Variants in FAM193A observed in about 807,000 individuals in gnomAD.
The protein encoded by FAM193A is protein FAM193A.
A neutral mutation model predicts 126.5 loss-of-function variants in FAM193A; 22 were observed. That is an observed-to-expected ratio of 0.17 (90% CI 0.12 to 0.25). FAM193A has a LOEUF of 0.25. Ranked by LOEUF, FAM193A falls within the 10% of genes least tolerant of loss-of-function variation. The pLI is 1.00. For missense variants in FAM193A, 1,675 were observed against 1,672.8 expected (o/e 1.00, Z -0.02); for synonymous variants, 761 against 646.8 (o/e 1.18, Z -2.68).
intron 7 of FAM193A, among the ~76,000 whole-genome samples, chr4:2,649,400 T>C (rs1745453180): frequency 6.9e-6 from 1 of 145,406 alleles, no homozygotes; most frequent in African/African-American, 2.6e-5. Context: ...AAGCCAGGCT[T>C]AGTGGCTCAC....
chr4:2,662,648 G>T (rs1712597362), intron 10 of FAM193A, among the ~76,000 whole-genome samples, 190 bp from the exon 11 acceptor site: 2 of 152,126 alleles, frequency 1.3e-5, no homozygotes, highest in South Asian at 4.1e-4. Context: ...TGGCACAAAT[G>T]TTAATCTTCC....
chr4:2,592,336 C>G (rs1577049775), intron 1 of FAM193A, among the ~76,000 whole-genome samples: 1 of 152,294 alleles, frequency 6.6e-6, no homozygotes, highest in Admixed American at 6.5e-5. Context: ...GATCTGCCTG[C>G]CTCGGCCTCA....
At chr4:2,569,021 G>A (rs557854519) in intron 1 of FAM193A, among the ~76,000 whole-genome samples, 6 of 142,446 alleles carry the variant, frequency 4.2e-5, no homozygotes, top group African/African-American at 2.6e-5. Context: ...CCAGGCTGGA[G>A]TGTAATGGTA....
In FAM193A at chr4:2,664,636, G is replaced by A. The variant is rs568686480; in HGVS notation, c.2079+1348G>A. ...GGCTGGAGTGCAGTGGCGCGATCTC[G>A]CCTCACTGCAACCTCTCCCTTTCGG... On this transcript the variant is annotated intron_variant, in intron 12 of 20. Transcript: ENST00000637812. Among the ~76,000 whole-genome samples the A allele has an allele frequency of 6.3e-5, 8 of 126,638 alleles. No homozygotes were observed. The East Asian group carries it at 7.4e-4, about 12-fold the overall frequency. 83.1% of individuals were successfully genotyped at this position (126,638 alleles called of 152,430 possible).
At chr4:2,583,680 A>C (rs747204988) in intron 1 of FAM193A, among the ~76,000 whole-genome samples, 3 of 152,140 alleles carry the variant, frequency 2.0e-5, no homozygotes, top group Non-Finnish European at 4.4e-5. Flanking sequence ...GCCTGTACTC[A>C]GCCTTTCGCA....
intron 7 of FAM193A, among the ~76,000 whole-genome samples, 182 bp downstream of exon 7, chr4:2,647,014 G>T (rs186984151): frequency 5.3e-5 from 8 of 152,254 alleles, no homozygotes; most frequent in Non-Finnish European, 8.8e-5. Context: ...TGGGAAACCT[G>T]TTGGCATCAC....
At chr4:2,716,410 G>C (rs1321506534) in intron 20 of FAM193A, among the ~76,000 whole-genome samples, 1 of 151,132 alleles carries the variant, frequency 6.6e-6, no homozygotes, top group Non-Finnish European at 1.5e-5. Flanking sequence ...TGGCTCTCCA[G>C]GTGTCCTGGG....
At chr4:2,555,606 CTGTTTTTTGTTTGTT>C (rs1738199234) in intron 1 of FAM193A, among the ~76,000 whole-genome samples, 2 of 152,054 alleles carry the variant, frequency 1.3e-5, no homozygotes, top group African/African-American at 4.8e-5. Flanking sequence ...TAGTGAAACA[CTGTTTTTTGTTTGTT>C]TGTTTTTTGT....
intron 7 of FAM193A, among the ~76,000 whole-genome samples, chr4:2,652,456 G>A (rs1045451684): frequency 5.9e-5 from 9 of 152,168 alleles, no homozygotes; most frequent in African/African-American, 2.2e-4. Flanking sequence ...ATTGGCTCAC[G>A]GTTCTGTGGC....
At chr4:2,673,547 A>G (rs577766823) in intron 13 of FAM193A, among the ~76,000 whole-genome samples, 7 of 152,224 alleles carry the variant, frequency 4.6e-5, no homozygotes, top group Non-Finnish European at 1.0e-4. Flanking sequence ...AATATTGCTC[A>G]GTTTGAACTT....
rs770373160 is a variant in FAM193A at position 2,699,756 on chromosome 4, GGGA to G, written c.3597_3599del (p.Glu1199del). The G allele has an allele frequency of 7.4e-6, 12 of 1,613,396 alleles. No individual in the cohort carries two copies. The highest frequency in any genetic ancestry group is 4.5e-5 in the East Asian group (2 of 44,876). ...CACCTCCAGGAGGAGCAGAGGCGGC[GGGA>G]GGAGGAGGAGGATGAGGAAGAAGAG... On this transcript the variant is annotated inframe_deletion, in exon 19 of 21. Transcript: ENST00000637812.
In FAM193A at chr4:2,596,064, A is replaced by AT. The variant is rs541459807; in HGVS notation, c.256-10dup. On this transcript the variant is annotated intron_variant, in intron 1 of 20. Coordinates refer to ENST00000637812, the MANE Select transcript of FAM193A (RefSeq NM_001366318.2). Reference sequence around the variant, plus strand: ...TTGTAGATGAGGTTTTGAAAATAGAATTTTTTTTTTCTATTCCAGACTCCT... The same window carrying AT: ...TTGTAGATGAGGTTTTGAAAATAGAATTTTTTTTTTTCTATTCCAGACTCCT... The AT allele has an allele frequency of 1.2e-3, 748 of 641,658 alleles. No homozygotes were observed. The highest frequency in any genetic ancestry group is 1.4e-3 in the South Asian group (86 of 60,062). The allele number at this position is 641,658 out of a possible 1,614,324, so 39.7% of individuals were successfully genotyped here. A position where few individuals can be genotyped will look rare whatever the true frequency, so the allele number is the denominator to read the frequency against.
intron 13 of FAM193A, among the ~76,000 whole-genome samples, chr4:2,677,384 A>C (rs769212717): frequency 5.3e-5 from 8 of 151,990 alleles, no homozygotes; most frequent in Non-Finnish European, 1.2e-4. Context: ...TGAGTCCACC[A>C]GGTTTGGTGG....
chr4:2,540,082 C>T (rs1417114329), intron 1 of FAM193A, among the ~76,000 whole-genome samples: 1 of 149,756 alleles, frequency 6.7e-6, no homozygotes, highest in African/African-American at 2.5e-5. Flanking sequence ...CTAACCATTG[C>T]ACTACTGCCT....
chr4:2,663,392 C>T, intron 12 of FAM193A, 104 bp downstream of exon 12: 1 of 965,356 alleles, frequency 1.0e-6, no homozygotes, highest in Non-Finnish European at 1.5e-6. Flanking sequence ...CCCATAATTT[C>T]TGAAGGTTAG....
At chr4:2,566,249 G>A (rs538604424) in intron 1 of FAM193A, among the ~76,000 whole-genome samples, 17 of 152,118 alleles carry the variant, frequency 1.1e-4, no homozygotes, top group East Asian at 3.9e-4. Flanking sequence ...GGGTTTCACC[G>A]TGTTAGCCAG....
intron 1 of FAM193A, among the ~76,000 whole-genome samples, chr4:2,564,035 G>A (rs551099845): frequency 1.4e-4 from 22 of 152,192 alleles, no homozygotes; most frequent in African/African-American, 5.3e-4. Flanking sequence ...AGTTTTCATA[G>A]GCAGGCATTT....
At chr4:2,632,593 G>A (rs1330304826) in intron 5 of FAM193A, among the ~76,000 whole-genome samples, 1 of 151,818 alleles carries the variant, frequency 6.6e-6, no homozygotes, top group Non-Finnish European at 1.5e-5. Context: ...AGTCATTTCA[G>A]GGGGTTCACA....
intron 12 of FAM193A, among the ~76,000 whole-genome samples, chr4:2,671,885 A>G (rs1188974372): frequency 6.6e-6 from 1 of 152,128 alleles, no homozygotes; most frequent in Admixed American, 6.5e-5. Flanking sequence ...CAGTGGCTCT[A>G]CCTGAGTCTG....
Sources: gnomAD v4.1 joint callset for allele counts (sites outside exome capture counted in the v4.1 genomes callset) on GRCh38, gnomAD v4.1.1 for gene constraint, MANE v1.5 for transcripts, NCBI Gene and HGNC (gene_info 2026-07-23, HGNC 2026-07-21) for gene names.